TMEM217: variants seen among roughly 807,000 people sequenced by gnomAD.
TMEM217 encodes the protein chromosome 6 open reading frame 128.
For synonymous variants in TMEM217, 76 were observed against 88.3 expected, an observed-to-expected ratio of 0.86 and a Z score of 0.78; for missense variants, 204 against 248.8, an observed-to-expected ratio of 0.82 and a Z score of 1.21.
intron 1 of TMEM217, among the ~76,000 whole-genome samples, chr6:37,252,787 T>G (rs1765518801): frequency 6.6e-6 from 1 of 151,554 alleles, no homozygotes; most frequent in East Asian, 1.9e-4. Flanking sequence ...CACAGGTGTG[T>G]GCCACCACAC....
At chr6:37,218,169 C>CTTTTT in exon 2 of TMEM217, 2 of 1,014,140 alleles carry the variant, frequency 2.0e-6, no homozygotes, top group Non-Finnish European at 2.4e-6. Flanking sequence ...AAGCTGCTAA[C>CTTTTT]TTTTTTTTTT....
chr6:37,241,718 T>A (rs1338676059), intron 1 of TMEM217, among the ~76,000 whole-genome samples: 1 of 152,228 alleles, frequency 6.6e-6, no homozygotes, highest in Non-Finnish European at 1.5e-5. Context: ...TTAATTAGAT[T>A]TTTAAAATAC....
chr6:37,228,821 C>A (rs1002503182), intron 1 of TMEM217, among the ~76,000 whole-genome samples: 1 of 151,576 alleles, frequency 6.6e-6, no homozygotes, highest in Non-Finnish European at 1.5e-5. Context: ...CACGGTGAAA[C>A]CCCGTCTCTA....
rs977240675 is a variant in TMEM217, at chr6:37,236,148, T to A, written c.-11-17107A>T. On this transcript the variant is annotated intron_variant, in intron 1 of 1. Transcript: ENST00000357219. The stretch of plus-strand genomic sequence containing the variant: ...TGTGTAGTGTTTATTTTATTTTTAA[T>A]TTAAAAACAATTTAAAAAAACAGAG... Among the ~76,000 whole-genome samples the A allele has an allele frequency of 2.6e-5, 4 of 152,336 alleles. No individual in the cohort carries two copies. The South Asian group carries it at 8.3e-4, about 32-fold the overall frequency.
chr6:37,237,973 C>A (rs1764581235), intron 1 of TMEM217, among the ~76,000 whole-genome samples: 1 of 152,098 alleles, frequency 6.6e-6, no homozygotes, highest in African/African-American at 2.4e-5. Flanking sequence ...TACCATACAG[C>A]CAGATGCAAA....
chr6:37,230,484 A>G (rs1324379714), intron 1 of TMEM217, among the ~76,000 whole-genome samples: 1 of 152,198 alleles, frequency 6.6e-6, no homozygotes, highest in Non-Finnish European at 1.5e-5. Flanking sequence ...AGAGGTAATT[A>G]AGTTAAAATT....
chr6:37,254,895 C>T lies in TMEM217; in HGVS notation c.-12+2673G>A, dbSNP rs189353516. On this transcript the variant is annotated intron_variant, in intron 1 of 1. Transcript: ENST00000357219. Reference sequence around the variant, plus strand: ...AGGGGGGTTAAAGGATGAAACAGTTCCACTTCAAATCACAAGGCATTAGAT... The same window carrying T: ...AGGGGGGTTAAAGGATGAAACAGTTTCACTTCAAATCACAAGGCATTAGAT... 2.0e-3 allele frequency among the ~76,000 whole-genome samples: 299 copies of T among 152,230 alleles called. 7 individuals are homozygous for T. Among genetic ancestry groups the T allele is most frequent in the Admixed American group, 0.017 (257 of 15,300 alleles).
chr6:37,236,954 C>T (rs527792572), intron 1 of TMEM217, among the ~76,000 whole-genome samples: 1 of 152,300 alleles, frequency 6.6e-6, no homozygotes, highest in East Asian at 1.9e-4. Context: ...TCTCCATGGT[C>T]TCTCTGTGTG....
In TMEM217 at chr6:37,252,168, C is replaced by G. The variant is rs1024204095; in HGVS notation, c.-12+5400G>C. ...TCGGCCTCCCAAAGTGCTGGGATTA[C>G]AGGCGTGAGCCACTGCGCCTGGCCT... On this transcript the variant is annotated intron_variant, in intron 1 of 1. Coordinates refer to ENST00000357219, the Ensembl canonical transcript of TMEM217. Among the ~76,000 whole-genome samples, 8 of 152,362 alleles carry G rather than the reference C, an allele frequency of 5.3e-5. No individual in the cohort carries two copies. The East Asian group carries it at 1.3e-3, about 26-fold the overall frequency.
At chr6:37,243,950 T>C (rs1294833530) in intron 1 of TMEM217, among the ~76,000 whole-genome samples, 1 of 152,134 alleles carries the variant, frequency 6.6e-6, no homozygotes, top group East Asian at 1.9e-4. Flanking sequence ...TCCTCAGAAA[T>C]GCAAGTCTGA....
At chr6:37,240,112 G>C (rs1764689524) in intron 1 of TMEM217, among the ~76,000 whole-genome samples, 1 of 152,144 alleles carries the variant, frequency 6.6e-6, no homozygotes, top group African/African-American at 2.4e-5. Context: ...ATGTGTGACT[G>C]TTTTGCCCTC....
chr6:37,252,977 AAAG>A (rs1167802569), intron 1 of TMEM217, among the ~76,000 whole-genome samples: 1 of 152,156 alleles, frequency 6.6e-6, no homozygotes, highest in African/African-American at 2.4e-5. Flanking sequence ...CGGTAACATT[AAAG>A]AAAAGTTCCA....
At chr6:37,232,116 G>GGTGAAAT (rs1764235896) in intron 1 of TMEM217, among the ~76,000 whole-genome samples, 1 of 152,046 alleles carries the variant, frequency 6.6e-6, no homozygotes, top group Admixed American at 6.6e-5. Flanking sequence ...GGGAGAGAGG[G>GGTGAAAT]GTGAAATGGA....
exon 1 of TMEM217, chr6:37,257,783 G>A: frequency 2.1e-6 from 2 of 938,592 alleles, no homozygotes; most frequent in Non-Finnish European, 3.2e-6. Context: ...CATCCAAGAT[G>A]GCGTCCCCAG....
At chr6:37,249,013 G>A (rs1017751922) in intron 1 of TMEM217, among the ~76,000 whole-genome samples, 1 of 152,088 alleles carries the variant, frequency 6.6e-6, no homozygotes, top group Non-Finnish European at 1.5e-5. Context: ...CTGCCTCTGT[G>A]GTCACACTGC....
intron 1 of TMEM217, among the ~76,000 whole-genome samples, chr6:37,242,432 C>T (rs1014924093): frequency 6.6e-6 from 1 of 152,198 alleles, no homozygotes; most frequent in Non-Finnish European, 1.5e-5. Flanking sequence ...CTTTTCTTTG[C>T]CTTTAAGAGC....
At chr6:37,245,565 T>C (rs1438168359) in intron 1 of TMEM217, among the ~76,000 whole-genome samples, 3 of 152,194 alleles carry the variant, frequency 2.0e-5, no homozygotes, top group East Asian at 3.8e-4. Flanking sequence ...GCTATAATAC[T>C]AGGAGGTGGG....
At chr6:37,231,184 C>G (rs1466829227) in intron 1 of TMEM217, among the ~76,000 whole-genome samples, 1 of 150,560 alleles carries the variant, frequency 6.6e-6, no homozygotes, top group Non-Finnish European at 1.5e-5. Flanking sequence ...CTCAGCCTTG[C>G]AAGTAGCTGG....
intron 1 of TMEM217, among the ~76,000 whole-genome samples, chr6:37,226,508 AG>A (rs1334624036): frequency 6.6e-6 from 1 of 150,942 alleles, no homozygotes; most frequent in Non-Finnish European, 1.5e-5. Context: ...CGTGTTAGCC[AG>A]GATGGTCTCG....
Sources: allele counts gnomAD v4.1 joint callset (sites outside exome capture counted in the v4.1 genomes callset), GRCh38; gene constraint gnomAD v4.1.1; transcripts MANE v1.5; gene names NCBI Gene and HGNC (gene_info 2026-07-23, HGNC 2026-07-21).